TAB2: variants seen among roughly 807,000 people sequenced by gnomAD.
The protein encoded by TAB2 is TGF-beta activated kinase 1 (MAP3K7) binding protein 2, also known as TGF-beta-activated kinase 1 and MAP3K7-binding protein 2.
Under a neutral mutation model 65.0 loss-of-function variants are expected in TAB2, and 3 were observed. The observed-to-expected ratio is 0.05, with a 90% confidence interval of 0.02 to 0.12. The LOEUF is 0.12. TAB2 is among the 10% of genes least tolerant of loss of function. The pLI is 1.00. For synonymous variants in TAB2, 298 were observed against 285.1 expected (o/e 1.05, Z -0.46); for missense variants, 623 against 840.3 (o/e 0.74, Z 3.20).
intron 6 of TAB2, among the ~76,000 whole-genome samples, chr6:149,408,510 A>T (rs1056071041): frequency 7.2e-5 from 11 of 152,324 alleles, no homozygotes; most frequent in Non-Finnish European, 1.5e-4. Context: ...TTGTTACAAT[A>T]GTCTCTCTTT....
chr6:149,407,229 T>C (rs1782695857), intron 6 of TAB2, among the ~76,000 whole-genome samples: 1 of 152,192 alleles, frequency 6.6e-6, no homozygotes, highest in South Asian at 2.1e-4. Context: ...GCACTAACTC[T>C]AAAATATGCA....
At chr6:149,389,103 G>A (rs1781898061) in intron 3 of TAB2, among the ~76,000 whole-genome samples, 1 of 151,694 alleles carries the variant, frequency 6.6e-6, no homozygotes, top group Admixed American at 6.6e-5. Context: ...CTACAGGCAT[G>A]CACCACCACG....
chr6:149,305,615 G>A (rs1191007202), intron 1 of TAB2, among the ~76,000 whole-genome samples: 1 of 151,092 alleles, frequency 6.6e-6, no homozygotes, highest in African/African-American at 2.4e-5. Context: ...AAAAACAATA[G>A]AACACAAAGT....
intron 1 of TAB2, among the ~76,000 whole-genome samples, chr6:149,232,500 T>G (rs559621469): frequency 1.3e-5 from 2 of 152,162 alleles, no homozygotes; most frequent in Non-Finnish European, 2.9e-5. Flanking sequence ...GTGTTGAGAT[T>G]ACAAGCGTGA....
Position 149,352,235 on chromosome 6 carries a change from C to A in TAB2, c.-89-17674C>A, listed in dbSNP as rs554443627. 3.3e-5 allele frequency among the ~76,000 whole-genome samples: 5 copies of A among 152,214 alleles called. No homozygotes were observed. In the East Asian group the frequency reaches 9.6e-4, roughly 29 times the overall value. The stretch of plus-strand genomic sequence containing the variant: ...TAGTAAAAGATTTTTCAGAAATTTA[C>A]CTGCCCAAAAACAGCTTTTATTTTA... On this transcript the variant is annotated intron_variant, in intron 1 of 6. Coordinates refer to ENST00000637181, the MANE Select transcript of TAB2 (RefSeq NM_001292034.3).
At chr6:149,342,099 A>T (rs1780149343) in intron 1 of TAB2, among the ~76,000 whole-genome samples, 1 of 152,048 alleles carries the variant, frequency 6.6e-6, no homozygotes, top group African/African-American at 2.4e-5. Context: ...AAGATTTTCC[A>T]GTGTGGTTAA....
intron 1 of TAB2, among the ~76,000 whole-genome samples, chr6:149,351,771 C>T (rs1416041177): frequency 3.9e-5 from 6 of 152,176 alleles, no homozygotes; most frequent in Non-Finnish European, 8.8e-5. Flanking sequence ...CCAGCTATCA[C>T]TGTGTATCAA....
At chr6:149,264,545 C>T (rs563053576) in intron 1 of TAB2, among the ~76,000 whole-genome samples, 119 of 152,146 alleles carry the variant, frequency 7.8e-4, no homozygotes, top group African/African-American at 2.8e-3. Flanking sequence ...GTGTAGTGAT[C>T]GAGTCAGGGT....
At chr6:149,239,636 A>T (rs1406172831) in intron 1 of TAB2, among the ~76,000 whole-genome samples, 2 of 152,182 alleles carry the variant, frequency 1.3e-5, no homozygotes, top group African/African-American at 4.8e-5. Context: ...TACACACTTT[A>T]TTTTGTTCTC....
intron 3 of TAB2, among the ~76,000 whole-genome samples, chr6:149,388,992 G>T (rs1273397327): frequency 1.6e-5 from 2 of 128,028 alleles, no homozygotes; most frequent in South Asian, 2.3e-4. Context: ...GTCTTGCTCT[G>T]TCACCCAGGC....
At chr6:149,304,432 A>C (rs1779022923) in intron 1 of TAB2, 1 of 153,158 alleles carries the variant, frequency 6.5e-6, no homozygotes. Flanking sequence ...CTATTCCTTC[A>C]GTAACAAAAG....
At chr6:149,338,074 A>T (rs1779988528) in intron 1 of TAB2, among the ~76,000 whole-genome samples, 1 of 152,116 alleles carries the variant, frequency 6.6e-6, no homozygotes, top group Admixed American at 6.5e-5. Flanking sequence ...GTGTTTTGGG[A>T]TTCAAACATT....
intron 5 of TAB2, 112 bp downstream of exon 5, chr6:149,398,174 G>A: frequency 1.1e-6 from 1 of 914,902 alleles, no homozygotes; most frequent in South Asian, 1.4e-5. Flanking sequence ...AGAACATGTG[G>A]CTTTGGAGCC....
At chr6:149,349,898 T>G (rs73613054) in intron 1 of TAB2, among the ~76,000 whole-genome samples, 1 of 151,924 alleles carries the variant, frequency 6.6e-6, no homozygotes, top group Non-Finnish European at 1.5e-5. Context: ...AAAAATAGTC[T>G]CTCTGCTTGG....
At chr6:149,357,464 C>CAT (rs1562432047) in intron 1 of TAB2, among the ~76,000 whole-genome samples, 1,766 of 147,804 alleles carry the variant, frequency 0.012, 48 homozygotes, top group African/African-American at 0.042. Flanking sequence ...CACACACACA[C>CAT]ACATTTTAGC....
chr6:149,348,257 T>A (rs1190088938), intron 1 of TAB2, among the ~76,000 whole-genome samples: 3 of 151,996 alleles, frequency 2.0e-5, no homozygotes, highest in Non-Finnish European at 4.4e-5. Context: ...GTTGTGGGGT[T>A]GCGCACCGGT....
intron 1 of TAB2, among the ~76,000 whole-genome samples, chr6:149,266,911 G>T (rs906462751): frequency 6.6e-6 from 1 of 152,152 alleles, no homozygotes; most frequent in Non-Finnish European, 1.5e-5. Context: ...TGCAAAAGGG[G>T]AACACCCCAG....
At chr6:149,306,556 T>A (rs1418513742) in intron 1 of TAB2, among the ~76,000 whole-genome samples, 2 of 67,432 alleles carry the variant, frequency 3.0e-5, no homozygotes, top group Admixed American at 1.5e-4. Context: ...AGACTCCGTC[T>A]CAAAAAAAAA....
intron 2 of TAB2, among the ~76,000 whole-genome samples, chr6:149,371,871 A>G (rs1388411811): frequency 6.6e-6 from 1 of 152,218 alleles, no homozygotes; most frequent in Non-Finnish European, 1.5e-5. Context: ...ATGGAGTCAG[A>G]AGTTAAAAGA....
Sources: gnomAD v4.1 joint callset for allele counts (sites outside exome capture counted in the v4.1 genomes callset) on GRCh38, gnomAD v4.1.1 for gene constraint, MANE v1.5 for transcripts, NCBI Gene and HGNC (gene_info 2026-07-23, HGNC 2026-07-21) for gene names.